The following TMEM169 variants were observed in gnomAD, a reference collection of about 807,000 sequenced individuals.
TMEM169 encodes the protein transmembrane protein 169.
TMEM169 carries 18 observed loss-of-function variants against 27.3 expected under a neutral mutation model. The observed-to-expected ratio is 0.66, with a 90% CI of 0.46 to 0.98. The LOEUF is 0.98. TMEM169 is among the 50% of genes least tolerant of loss of function. The pLI, the probability that TMEM169 is intolerant of heterozygous loss-of-function variation, is 0.00. For missense variants in TMEM169, 320 were observed against 368.6 expected, an observed-to-expected ratio of 0.87 and a Z score of 1.08; for synonymous variants, 136 against 142.1, an observed-to-expected ratio of 0.96 and a Z score of 0.30.
chr2:216,097,074 G>A (rs771449540), intron 2 of TMEM169, among the ~76,000 whole-genome samples: 9 of 152,156 alleles, frequency 5.9e-5, no homozygotes, highest in African/African-American at 9.7e-5. Flanking sequence ...ACTTGTCAAC[G>A]TTTATTAAAT....
intron 2 of TMEM169, among the ~76,000 whole-genome samples, chr2:216,097,418 G>A (rs1206904774): frequency 6.6e-6 from 1 of 152,006 alleles, no homozygotes; most frequent in African/African-American, 2.4e-5. Context: ...GGGTGTGCTG[G>A]GGCATGCCTG....
intron 2 of TMEM169, 54 bp downstream of exon 2, chr2:216,096,288 A>T: frequency 6.4e-7 from 1 of 1,573,486 alleles, no homozygotes; most frequent in Admixed American, 1.8e-5. Flanking sequence ...CCAAAAGGGC[A>T]TCTTCCAGAA....
At position 216,100,449 on chromosome 2, in the gene TMEM169, C is replaced by G. The variant is rs780847407; in HGVS notation, c.801C>G (p.Pro267=). Residue 267 remains proline, a synonymous_variant, in exon 3 of 3, where the codon CCC becomes CCG. Coordinates refer to ENST00000437356, the MANE Select transcript of TMEM169 (RefSeq NM_001142311.2). ...CSKLGLEDCS[P]YSIVELLESD... is the part of the protein sequence containing the mutation. ...AGCTGGGTCTGGAGGACTGTTCTCCCTACAGCATTGTGGAGTTGCTTGAAT... is the reference window on the plus strand; with the variant it reads ...AGCTGGGTCTGGAGGACTGTTCTCCGTACAGCATTGTGGAGTTGCTTGAAT... 3.7e-6 allele frequency: 6 copies of G among 1,613,980 alleles called. No individual in the cohort carries two copies. Among genetic ancestry groups the G allele is most frequent in the Non-Finnish European group, 5.1e-6 (6 of 1,180,008 alleles).
rs1309184869 is a variant in TMEM169 at position 216,100,554 on chromosome 2, C to T, written c.*12C>T. ...CCTCCACGGTCTAAACTCCCAACAACTTACTCCCTCCTCTGGCCCCAGTAG... is the reference window on the plus strand; with the variant it reads ...CCTCCACGGTCTAAACTCCCAACAATTTACTCCCTCCTCTGGCCCCAGTAG... On this transcript the variant is annotated 3_prime_UTR_variant, in exon 3 of 3. Coordinates refer to ENST00000437356, the MANE Select transcript of TMEM169 (RefSeq NM_001142311.2). The T allele has an allele frequency of 6.2e-7, 1 of 1,614,020 alleles. No individual in the cohort carries two copies. Among genetic ancestry groups the T allele is most frequent in the Admixed American group, 1.7e-5 (1 of 60,030 alleles).
At position 216,096,126 on chromosome 2, in the gene TMEM169, T is replaced by C. The variant is rs773623167; in HGVS notation, c.163T>C (p.Tyr55His). Residue 55 changes from tyrosine (Y) to histidine (H), a missense_variant, in exon 2 of 3, where the codon TAC becomes CAC. By Grantham distance (83) the Tyr-to-His change is moderately conservative. Transcript: ENST00000437356. Reference sequence around the variant, plus strand: ...GTCACGCCCAGAATCCATCATCATCTACCGCTCAGACAATGAGAAAACAGA... The same window carrying C: ...GTCACGCCCAGAATCCATCATCATCCACCGCTCAGACAATGAGAAAACAGA... ...KESRPESIII[Y>H]RSDNEKTDEE... 5 of 1,614,144 alleles carry C rather than the reference T, an allele frequency of 3.1e-6. No homozygotes were observed. The South Asian group carries it at 5.5e-5, about 18-fold the overall frequency.
In TMEM169 at chr2:216,091,556, C is replaced by CAA. The variant is rs35975278; in HGVS notation, c.-126-4260_-126-4259dup. 8.1e-3 allele frequency among the ~76,000 whole-genome samples: 644 copies of CAA among 79,534 alleles called. 14 individuals are homozygous for CAA. Among genetic ancestry groups the CAA allele is most frequent in the African/African-American group, 0.025 (501 of 20,064 alleles). 52.2% of individuals were successfully genotyped at this position (79,534 alleles called of 152,430 possible). A position where few individuals can be genotyped will look rare whatever the true frequency, so the allele number is the denominator to read the frequency against. ...TATGCGACAGAGTGAGACTCCATCT[C>CAA]AAAAAAAAAAAAAAAAAAAAAAAGA... On this transcript the variant is annotated intron_variant, in intron 1 of 2. Coordinates refer to ENST00000437356, the MANE Select transcript of TMEM169 (RefSeq NM_001142311.2).
chr2:216,086,352 C>T (rs927953482), intron 1 of TMEM169, among the ~76,000 whole-genome samples: 1 of 152,040 alleles, frequency 6.6e-6, no homozygotes, highest in South Asian at 2.1e-4. Flanking sequence ...CATGAGCCAC[C>T]GTGACCAGCC....
At position 216,100,491 on chromosome 2, in the gene TMEM169, C is replaced by G. The variant is rs201189708; in HGVS notation, c.843C>G (p.Ser281Arg). 46 of 1,614,096 alleles carry G rather than the reference C, an allele frequency of 2.8e-5. No individual in the cohort carries two copies. Among genetic ancestry groups the G allele is most frequent in the Non-Finnish European group, 3.7e-5 (44 of 1,180,030 alleles). The change falls in exon 3 of 3, where the codon AGC (serine) becomes AGG (arginine). Residue 281 changes from serine (S) to arginine (R), a missense_variant. Ser to Arg is a moderately radical substitution (Grantham distance 110, BLOSUM62 -1). Coordinates refer to ENST00000437356, the MANE Select transcript of TMEM169 (RefSeq NM_001142311.2). ...TGCTTGAATCCGACAATATCTCAAG[C>G]ACTCTCTCCAACAAGGACCCCATCC... The part of the protein sequence containing the change: ...VELLESDNIS[S>R]TLSNKDPIQE...
At chr2:216,098,386 C>G (rs180932908) in intron 2 of TMEM169, among the ~76,000 whole-genome samples, 1 of 151,892 alleles carries the variant, frequency 6.6e-6, no homozygotes, top group African/African-American at 2.4e-5. Flanking sequence ...TGATCAGAGG[C>G]AGGGAGTGAG....
chr2:216,095,734 A>G (rs949732740), intron 1 of TMEM169, 104 bp from the exon 2 acceptor site: 13 of 486,186 alleles, frequency 2.7e-5, no homozygotes, highest in Non-Finnish European at 2.9e-5. Context: ...TGCAAGAAGT[A>G]AAGGGAGAGG....
At position 216,099,547 on chromosome 2, in the gene TMEM169, C is replaced by T. The variant is rs1696338797; in HGVS notation, c.272-373C>T. On this transcript the variant is annotated intron_variant, in intron 2 of 2. Coordinates refer to ENST00000437356, the MANE Select transcript of TMEM169 (RefSeq NM_001142311.2). The surrounding 1 kb of genome is among the most constrained non-coding windows in gnomAD (Gnocchi z 5.0). The stretch of plus-strand genomic sequence containing the variant: ...CCATCAGTCCAGTATCTTCACAGCA[C>T]TTGTTACCTAGAAATAGGATCATCA... 1.3e-5 allele frequency among the ~76,000 whole-genome samples: 2 copies of T among 152,102 alleles called. No individual in the cohort carries two copies. The highest frequency in any genetic ancestry group is 4.1e-4 in the South Asian group (2 of 4,822).
chr2:216,083,583 C>G (rs971413170), intron 1 of TMEM169, among the ~76,000 whole-genome samples: 1 of 152,060 alleles, frequency 6.6e-6, no homozygotes, highest in Non-Finnish European at 1.5e-5. Context: ...CTGCAGCTTC[C>G]GTGTGGCTGC....
chr2:216,092,351 G>GT (rs886088760), intron 1 of TMEM169, among the ~76,000 whole-genome samples: 15 of 151,178 alleles, frequency 9.9e-5, no homozygotes, highest in African/African-American at 1.9e-4. Context: ...ACCTTTTTAT[G>GT]TTTTTTTTTA....
intron 1 of TMEM169, among the ~76,000 whole-genome samples, chr2:216,089,567 C>A (rs1467080538): frequency 6.6e-6 from 1 of 152,220 alleles, no homozygotes; most frequent in African/African-American, 2.4e-5. Flanking sequence ...AGCGATTCTC[C>A]TGCCTCAGCC....
At position 216,100,319 on chromosome 2, in the gene TMEM169, C is replaced by T. The variant is rs1203845063; in HGVS notation, c.671C>T (p.Ser224Phe). The change falls in exon 3 of 3, where the codon TCC becomes TTC. Residue 224 changes from serine to phenylalanine, a missense_variant. Physicochemically the swap from Ser to Phe is radical, Grantham distance 155 (BLOSUM62 -2). Coordinates refer to ENST00000437356, the MANE Select transcript of TMEM169 (RefSeq NM_001142311.2). The stretch of plus-strand genomic sequence containing the variant: ...GTGCTCATCATGGCCATGGCTTCTT[C>T]CCTCGGCCTCTACGCTGCTGTGGTC... The part of the protein sequence containing the change: ...YPVLIMAMAS[S>F]LGLYAAVVQL... 6.2e-7 allele frequency: 1 copy of T among 1,613,926 alleles called. No individual in the cohort carries two copies. Among genetic ancestry groups the T allele is most frequent in the Non-Finnish European group, 8.5e-7 (1 of 1,179,986 alleles).
Position 216,081,960 on chromosome 2 carries a change from C to T in TMEM169, c.-146C>T. 2 of 551,852 alleles carry T rather than the reference C, an allele frequency of 3.6e-6. No homozygotes were observed. Among genetic ancestry groups the T allele is most frequent in the Non-Finnish European group, 3.2e-6 (1 of 313,752 alleles). The allele number at this position is 551,852 out of a possible 1,614,324, so 34.2% of individuals were successfully genotyped here. A position where few individuals can be genotyped will look rare whatever the true frequency, so the allele number is the denominator to read the frequency against. On this transcript the variant is annotated 5_prime_UTR_variant, in exon 1 of 3. Transcript: ENST00000437356. ...GGCTGTCCGCAACCTCCGCCAGCGT[C>T]GGTCCCTGGGCAGGTGTGGGTGAGA...
chr2:216,082,169 G>T, intron 1 of TMEM169, 190 bp downstream of exon 1: 1 of 165,182 alleles, frequency 6.1e-6, no homozygotes, highest in Non-Finnish European at 1.3e-5. Flanking sequence ...AAGAAAGGCT[G>T]CTGCTCGGCG....
intron 1 of TMEM169, among the ~76,000 whole-genome samples, chr2:216,094,211 C>T (rs1696207451): frequency 6.6e-6 from 1 of 152,142 alleles, no homozygotes; most frequent in South Asian, 2.1e-4. Context: ...TGAGTAGAAG[C>T]TTGCGATTCT....
chr2:216,101,095 TGGAGGC>T lies in TMEM169; in HGVS notation c.*554_*559del. 1 of 168,770 alleles carries T rather than the reference TGGAGGC, an allele frequency of 5.9e-6. No individual in the cohort carries two copies. The highest frequency in any genetic ancestry group is 1.3e-5 in the Non-Finnish European group (1 of 77,026). The allele number at this position is 168,770 out of a possible 1,614,324, so 10.5% of individuals were successfully genotyped here. On this transcript the variant is annotated 3_prime_UTR_variant, in exon 3 of 3. Transcript: ENST00000437356. ...ATTTCTTTCTTGTGCAGAAGAAGTCTGGAGGCAGACCATCCTGGGACCCTGTGAAGT... is the reference window on the plus strand; with the variant it reads ...ATTTCTTTCTTGTGCAGAAGAAGTCTAGACCATCCTGGGACCCTGTGAAGT...
Sources: allele counts gnomAD v4.1 joint callset (sites outside exome capture counted in the v4.1 genomes callset), GRCh38; gene constraint gnomAD v4.1.1; non-coding constraint Gnocchi (gnomAD v3.1); transcripts MANE v1.5; gene names NCBI Gene and HGNC (gene_info 2026-07-23, HGNC 2026-07-21).